Variants in CCSER1 observed in about 807,000 individuals in gnomAD.
CCSER1 encodes coiled-coil serine rich protein 1, also known as serine-rich coiled-coil domain-containing protein 1.
A neutral mutation model predicts 82.0 loss-of-function variants in CCSER1; 41 were observed. That is an observed-to-expected ratio of 0.50 (90% CI 0.39 to 0.65). CCSER1 has a LOEUF of 0.65. Among genes scored for constraint, CCSER1 ranks in the 30% least tolerant of loss-of-function variants. CCSER1 has a pLI of 0.00. For synonymous variants in CCSER1, 414 were observed against 383.9 expected (o/e 1.08, Z -0.92); for missense variants, 1,119 against 1,064.2 (o/e 1.05, Z -0.72).
chr4:91,390,438 T>C (rs752854840), intron 10 of CCSER1, among the ~76,000 whole-genome samples: 1 of 152,012 alleles, frequency 6.6e-6, no homozygotes, highest in Non-Finnish European at 1.5e-5. Context: ...GGATTTTATT[T>C]GCTAATTATG....
intron 3 of CCSER1, among the ~76,000 whole-genome samples, chr4:90,391,454 A>ATATATATATATATATAAATATATGGGGG (rs1301883989): frequency 6.3e-5 from 5 of 78,782 alleles, no homozygotes; most frequent in African/African-American, 3.9e-4. Flanking sequence ...GTATATATAT[A>ATATATATATATATATAAATATATGGGGG]TATATATATA....
intron 10 of CCSER1, among the ~76,000 whole-genome samples, chr4:91,532,169 A>G (rs966940770): frequency 6.6e-6 from 1 of 152,220 alleles, no homozygotes; most frequent in Non-Finnish European, 1.5e-5. Flanking sequence ...TCAGGTGAAG[A>G]TATCACTGGT....
intron 10 of CCSER1, among the ~76,000 whole-genome samples, chr4:91,294,174 T>C (rs2149223717): frequency 6.6e-6 from 1 of 152,128 alleles, no homozygotes; most frequent in Non-Finnish European, 1.5e-5. Flanking sequence ...TTAATAATAT[T>C]TGCTGCATTT....
At chr4:90,432,199 T>A (rs1758366894) in intron 4 of CCSER1, among the ~76,000 whole-genome samples, 1 of 152,188 alleles carries the variant, frequency 6.6e-6, no homozygotes, top group African/African-American at 2.4e-5. Context: ...AATGACATAA[T>A]ACTTATGGTA....
intron 8 of CCSER1, among the ~76,000 whole-genome samples, chr4:90,915,768 T>C (rs11096161): frequency 7.9e-5 from 12 of 152,140 alleles, no homozygotes; most frequent in East Asian, 1.9e-4. Flanking sequence ...GAAAACCCCA[T>C]TGTCTCAGCC....
chr4:90,805,136 T>G (rs1213647889), intron 7 of CCSER1, among the ~76,000 whole-genome samples: 3 of 152,188 alleles, frequency 2.0e-5, no homozygotes, highest in African/African-American at 7.2e-5. Flanking sequence ...TTTCAAAATT[T>G]AGTGGCTTAA....
At chr4:91,106,433 A>G (rs1355980971) in intron 10 of CCSER1, among the ~76,000 whole-genome samples, 1 of 152,214 alleles carries the variant, frequency 6.6e-6, no homozygotes, top group Non-Finnish European at 1.5e-5. Context: ...CCACAACTGA[A>G]TAATTCTGGA....
chr4:90,936,484 T>G (rs895295980), intron 9 of CCSER1, among the ~76,000 whole-genome samples: 15 of 152,154 alleles, frequency 9.9e-5, no homozygotes, highest in African/African-American at 3.6e-4. Flanking sequence ...GTTTTTTTTG[T>G]CCACTTCACA....
In CCSER1 at chr4:90,308,265, G is replaced by A; in HGVS notation, c.-20G>A. ...TCAGGCTGCAAAGTTGGCTTTCACA[G>A]TGCAAGCCTTTGATTCCCAATGGGG... is the stretch of plus-strand genomic sequence containing the variant. On this transcript the variant is annotated 5_prime_UTR_variant, in exon 2 of 11. In the 5' UTR this introduces an upstream ATG that the reference lacks. Coordinates refer to ENST00000509176, the MANE Select transcript of CCSER1 (RefSeq NM_001145065.2). 1 of 1,543,102 alleles carries A rather than the reference G, an allele frequency of 6.5e-7. No individual in the cohort carries two copies. Among genetic ancestry groups the A allele is most frequent in the Non-Finnish European group, 8.7e-7 (1 of 1,145,452 alleles).
At chr4:90,301,574 T>TA (rs1201977013) in intron 1 of CCSER1, among the ~76,000 whole-genome samples, 1 of 152,102 alleles carries the variant, frequency 6.6e-6, no homozygotes, top group Non-Finnish European at 1.5e-5. Flanking sequence ...AAGTTATAAT[T>TA]AAAAAACACT....
At chr4:90,886,303 A>T (rs953976132) in intron 8 of CCSER1, among the ~76,000 whole-genome samples, 11 of 152,016 alleles carry the variant, frequency 7.2e-5, no homozygotes, top group Admixed American at 7.2e-4. Flanking sequence ...CCTCTTTTTA[A>T]TTCCATCTTT....
At chr4:91,247,301 C>CAAAA (rs36047203) in intron 10 of CCSER1, among the ~76,000 whole-genome samples, 1 of 114,336 alleles carries the variant, frequency 8.7e-6, no homozygotes, top group Non-Finnish European at 1.9e-5. Flanking sequence ...GACTCCGTCT[C>CAAAA]AAAAAAAAAA....
intron 4 of CCSER1, among the ~76,000 whole-genome samples, chr4:90,419,793 A>G (rs1756409327): frequency 6.6e-6 from 1 of 151,942 alleles, no homozygotes; most frequent in Non-Finnish European, 1.5e-5. Context: ...CTTTGGAAAT[A>G]TATCTAAACT....
At chr4:90,975,242 A>G (rs776663841) in intron 9 of CCSER1, among the ~76,000 whole-genome samples, 6 of 151,182 alleles carry the variant, frequency 4.0e-5, no homozygotes, top group Non-Finnish European at 7.4e-5. Context: ...GCTGATGGGT[A>G]TTGGGTTTAT....
chr4:90,765,503 A>G (rs1032026250), intron 7 of CCSER1, among the ~76,000 whole-genome samples: 6 of 152,052 alleles, frequency 3.9e-5, no homozygotes, highest in African/African-American at 7.2e-5. Context: ...TAACATAAAA[A>G]CCTATTTAGG....
intron 4 of CCSER1, among the ~76,000 whole-genome samples, chr4:90,426,962 T>C (rs1757609236): frequency 6.6e-6 from 1 of 152,074 alleles, no homozygotes; most frequent in Non-Finnish European, 1.5e-5. Context: ...TCTTTAAAAA[T>C]GTGTGTTTAT....
chr4:90,932,987 A>AG, intron 9 of CCSER1, among the ~76,000 whole-genome samples: 1 of 26,130 alleles, frequency 3.8e-5, no homozygotes. Context: ...AGAAAGAGAA[A>AG]GAAAGAAAGA....
intron 10 of CCSER1, among the ~76,000 whole-genome samples, chr4:91,189,146 G>T (rs1734805415): frequency 6.6e-6 from 1 of 151,942 alleles, no homozygotes; most frequent in South Asian, 2.1e-4. Flanking sequence ...AAACATTTTG[G>T]TAATTTGCAG....
chr4:91,182,108 G>A (rs566993550), intron 10 of CCSER1, among the ~76,000 whole-genome samples: 63 of 152,284 alleles, frequency 4.1e-4, no homozygotes, highest in African/African-American at 1.4e-3. Context: ...ATGGGTGGCT[G>A]TGTTCGATGG....
Sources: allele counts gnomAD v4.1 joint callset (sites outside exome capture counted in the v4.1 genomes callset), GRCh38; gene constraint gnomAD v4.1.1; transcripts MANE v1.5; gene names NCBI Gene and HGNC (gene_info 2026-07-23, HGNC 2026-07-21).